The following CHLSN variants were observed in gnomAD, a reference collection of about 807,000 sequenced individuals.
CHLSN encodes the protein cholesin.
the CHLSN span, chr7:1,058,692 TC>T: frequency 6.6e-6 from 4 of 603,054 alleles, no homozygotes; most frequent in East Asian, 1.1e-4. Context: ...AAGGCTGTGG[TC>T]CCCGTGGCTG....
chr7:1,085,163 A>G, the CHLSN span, among the ~76,000 whole-genome samples: 1 of 152,240 alleles, frequency 6.6e-6, no homozygotes, highest in Non-Finnish European at 1.5e-5. Flanking sequence ...TCTATGCATT[A>G]TCCAGTATTT....
At chr7:1,012,290 T>C in the CHLSN span, among the ~76,000 whole-genome samples, 176 of 152,224 alleles carry the variant, frequency 1.2e-3, no homozygotes, top group Non-Finnish European at 7.5e-4. Context: ...GGCCCTGTGG[T>C]AGGGTCCCAG....
At chr7:1,002,342 T>C in the CHLSN span, among the ~76,000 whole-genome samples, 16 of 116,732 alleles carry the variant, frequency 1.4e-4, no homozygotes, top group Non-Finnish European at 7.0e-5. Context: ...TGGAGCCCTG[T>C]GGGTGGGGAG....
the CHLSN span, chr7:988,262 C>G: frequency 6.4e-7 from 1 of 1,564,254 alleles, no homozygotes; most frequent in Non-Finnish European, 8.7e-7. Flanking sequence ...CTCTGTGCCC[C>G]GGCTGCCCCC....
chr7:1,040,664 A>G, the CHLSN span, among the ~76,000 whole-genome samples: 2 of 148,808 alleles, frequency 1.3e-5, no homozygotes, highest in African/African-American at 5.0e-5. Flanking sequence ...ATGACACCAA[A>G]AGCAGATCCT....
At chr7:1,004,115 GA>G in the CHLSN span, among the ~76,000 whole-genome samples, 1 of 152,058 alleles carries the variant, frequency 6.6e-6, no homozygotes, top group Non-Finnish European at 1.5e-5. Flanking sequence ...TGCGTGATGA[GA>G]GGGGCCTCCA....
At chr7:1,009,473 C>A in the CHLSN span, among the ~76,000 whole-genome samples, 1 of 152,058 alleles carries the variant, frequency 6.6e-6, no homozygotes, top group Non-Finnish European at 1.5e-5. Flanking sequence ...CAGGCACCAT[C>A]CACCCAGCCA....
the CHLSN span, among the ~76,000 whole-genome samples, chr7:987,826 T>C: frequency 6.6e-6 from 1 of 151,116 alleles, no homozygotes; most frequent in African/African-American, 2.4e-5. Flanking sequence ...CGGTGTGTCC[T>C]GGGGGTCCCC....
At chr7:1,008,316 C>T in the CHLSN span, among the ~76,000 whole-genome samples, 3 of 152,228 alleles carry the variant, frequency 2.0e-5, no homozygotes, top group African/African-American at 7.2e-5. Flanking sequence ...CAGCGACTGA[C>T]CCTGCGGTGG....
At chr7:1,016,488 C>CAGCACAA in the CHLSN span, among the ~76,000 whole-genome samples, 478 of 136,384 alleles carry the variant, frequency 3.5e-3, 17 homozygotes, top group African/African-American at 0.013. Context: ...CAGCAGCACA[C>CAGCACAA]AGCAGCGCAC....
chr7:1,119,340 T>G, the CHLSN span, among the ~76,000 whole-genome samples: 963 of 152,296 alleles, frequency 6.3e-3, 4 homozygotes, highest in Non-Finnish European at 9.4e-3. Context: ...TTCCCAGCAC[T>G]TTGAGAGGCC....
the CHLSN span, among the ~76,000 whole-genome samples, chr7:1,016,736 C>T: frequency 6.7e-5 from 9 of 134,682 alleles, no homozygotes; most frequent in African/African-American, 1.3e-4. Flanking sequence ...CAGCAGCACA[C>T]GCCAGCGCAC....
At chr7:988,807 G>T in the CHLSN span, 6 of 1,583,102 alleles carry the variant, frequency 3.8e-6, no homozygotes, top group Non-Finnish European at 4.3e-6. Flanking sequence ...CCCTGTGTGC[G>T]GTGCCCAGGC....
At chr7:1,045,626 T>C in the CHLSN span, 1 of 152,254 alleles carries the variant, frequency 6.6e-6, no homozygotes, top group African/African-American at 2.4e-5. Context: ...ACGGAGGCAC[T>C]GTTAATAATT....
At chr7:1,070,772 C>A in the CHLSN span, among the ~76,000 whole-genome samples, 1 of 149,402 alleles carries the variant, frequency 6.7e-6, no homozygotes, top group Non-Finnish European at 1.5e-5. Flanking sequence ...TACACATGCA[C>A]ACGCACGCAC....
At chr7:1,086,937 C>T in the CHLSN span, 1 of 152,362 alleles carries the variant, frequency 6.6e-6, no homozygotes, top group African/African-American at 2.4e-5. Flanking sequence ...GGAAGACCCA[C>T]CCCTCCGCCT....
chr7:1,131,127 G>C, the CHLSN span, among the ~76,000 whole-genome samples: 1 of 150,660 alleles, frequency 6.6e-6, no homozygotes. Context: ...GGAGGTCGAG[G>C]CTGCAGTGAG....
At chr7:1,085,694 A>G in the CHLSN span, among the ~76,000 whole-genome samples, 3 of 148,646 alleles carry the variant, frequency 2.0e-5, no homozygotes, top group East Asian at 6.2e-4. Flanking sequence ...AAAAAAAAAA[A>G]TTAGCGGCTC....
At chr7:1,109,932 C>A in the CHLSN span, among the ~76,000 whole-genome samples, 1 of 152,188 alleles carries the variant, frequency 6.6e-6, no homozygotes, top group Admixed American at 6.5e-5. Flanking sequence ...GCTCTCTCCA[C>A]AAATGCCAGT....
Sources: gnomAD v4.1 joint callset for allele counts (sites outside exome capture counted in the v4.1 genomes callset) on GRCh38, gnomAD v4.1.1 for gene constraint, MANE v1.5 for transcripts, NCBI Gene and HGNC (gene_info 2026-07-23, HGNC 2026-07-21) for gene names.